C4orf36: variants seen among roughly 807,000 people sequenced by gnomAD.
C4orf36 encodes the protein chromosome 4 open reading frame 36, also known as uncharacterized protein C4orf36.
C4orf36 carries 11 observed loss-of-function variants against 12.2 expected under a neutral mutation model. The observed-to-expected ratio is 0.90, with a 90% CI of 0.57 to 1.49. The LOEUF (loss-of-function observed/expected upper bound fraction) is 1.49, where lower values mean the gene tolerates loss of function less well. Ranked by LOEUF, C4orf36 falls within the 40% of genes most tolerant of loss-of-function variation. C4orf36 has a pLI of 0.00. For missense variants in C4orf36, 137 were observed against 133.9 expected (o/e 1.02, Z -0.11); for synonymous variants, 54 against 51.3 (o/e 1.05, Z -0.22).
At chr4:86,881,190 A>G (rs1747047359) in intron 4 of C4orf36, among the ~76,000 whole-genome samples, 1 of 152,222 alleles carries the variant, frequency 6.6e-6, no homozygotes, top group Non-Finnish European at 1.5e-5. Flanking sequence ...AATACACAAT[A>G]TAGAAAGATG....
the C4orf36 span, among the ~76,000 whole-genome samples, chr4:86,915,565 C>A: frequency 6.6e-6 from 1 of 152,154 alleles, no homozygotes; most frequent in Non-Finnish European, 1.5e-5. Context: ...GGGTGGATCA[C>A]CTGAGGTTGG....
the C4orf36 span, among the ~76,000 whole-genome samples, chr4:86,917,427 GA>G: frequency 1.1e-4 from 15 of 138,306 alleles, no homozygotes; most frequent in Non-Finnish European, 2.2e-4. Flanking sequence ...GAGAGAGAAA[GA>G]AAAAGAAAGG....
the C4orf36 span, among the ~76,000 whole-genome samples, chr4:86,919,118 AG>A: frequency 1.2e-5 from 1 of 84,430 alleles, no homozygotes; most frequent in Non-Finnish European, 2.7e-5. Flanking sequence ...TCCCAGCTCC[AG>A]GAGAGAGAGA....
At chr4:86,879,733 A>G (rs759570251) in intron 4 of C4orf36, among the ~76,000 whole-genome samples, 11 of 152,224 alleles carry the variant, frequency 7.2e-5, no homozygotes, top group Non-Finnish European at 1.5e-4. Context: ...ACCAAAACAC[A>G]TTATTATCAA....
the C4orf36 span, chr4:86,913,260 C>T: frequency 3.4e-6 from 2 of 595,612 alleles, no homozygotes; most frequent in Admixed American, 2.0e-5. Flanking sequence ...AGCTTCACAT[C>T]CAGAGGCCCT....
chr4:86,913,825 C>G, the C4orf36 span: 1 of 617,438 alleles, frequency 1.6e-6, no homozygotes, highest in Non-Finnish European at 2.7e-6. Context: ...TTTTCATCCA[C>G]TTTTTTTTTT....
chr4:86,876,356 CG>C lies in C4orf36; in HGVS notation c.*89del, dbSNP rs1746927162. ...AGGATGGCTGCAGCGCAGCGACGGC[CG>C]GGGCCGGGAGCGGGTCCTGGGCGGC... On this transcript the variant is annotated 3_prime_UTR_variant, in exon 5 of 5. Transcript: ENST00000295898. The C allele has an allele frequency of 1.8e-5, 28 of 1,572,750 alleles. No homozygotes were observed. The highest frequency in any genetic ancestry group is 2.2e-5 in the Non-Finnish European group (26 of 1,161,548).
At chr4:86,935,680 C>A in the C4orf36 span, 1 of 152,146 alleles carries the variant, frequency 6.6e-6, no homozygotes, top group Non-Finnish European at 1.5e-5. Context: ...CACCCCGGGA[C>A]CCTTCCCTGT....
chr4:86,901,701 G>A, the C4orf36 span, among the ~76,000 whole-genome samples: 3 of 152,040 alleles, frequency 2.0e-5, no homozygotes, highest in East Asian at 1.9e-4. Context: ...GTGAGCAACC[G>A]CGCCCGGCCA....
rs1746930906 is a variant in C4orf36 at position 86,876,430 on chromosome 4, A to G, written c.*16T>C. Reference sequence around the variant, plus strand: ...GCGCTGCTGAGTTTCTTCATCTACAATCCGCGCTTCAGGCTGCGCAAAGGA... The same window carrying G: ...GCGCTGCTGAGTTTCTTCATCTACAGTCCGCGCTTCAGGCTGCGCAAAGGA... On this transcript the variant is annotated 3_prime_UTR_variant, in exon 5 of 5. Transcript: ENST00000295898. 1.9e-6 allele frequency: 3 copies of G among 1,613,178 alleles called. No individual in the cohort carries two copies. Among genetic ancestry groups the G allele is most frequent in the African/African-American group, 1.3e-5 (1 of 74,908 alleles).
the C4orf36 span, chr4:86,934,862 C>G: frequency 2.6e-5 from 4 of 152,208 alleles, no homozygotes; most frequent in Admixed American, 6.5e-5. Context: ...AGGGCCGCGA[C>G]GTCCCTTGCC....
chr4:86,920,229 C>G, the C4orf36 span, among the ~76,000 whole-genome samples: 1 of 152,186 alleles, frequency 6.6e-6, no homozygotes, highest in African/African-American at 2.4e-5. Flanking sequence ...CCTCTACTGT[C>G]TATATTTCCA....
At chr4:86,884,199 G>A (rs1248271842) in intron 4 of C4orf36, among the ~76,000 whole-genome samples, 1 of 151,436 alleles carries the variant, frequency 6.6e-6, no homozygotes, top group Non-Finnish European at 1.5e-5. Flanking sequence ...AAGACCTTCT[G>A]TGTATTTTCA....
chr4:86,894,801 G>C (rs1394503584), upstream of C4orf36, among the ~76,000 whole-genome samples: 1 of 152,136 alleles, frequency 6.6e-6, no homozygotes, highest in Non-Finnish European at 1.5e-5. Context: ...GGACACTCAA[G>C]CTGCCTTATG....
At chr4:86,915,663 T>G in the C4orf36 span, among the ~76,000 whole-genome samples, 1 of 152,152 alleles carries the variant, frequency 6.6e-6, no homozygotes, top group Non-Finnish European at 1.5e-5. Context: ...GGTGCATGCC[T>G]GTAATCCCAG....
At chr4:86,926,812 C>A in the C4orf36 span, among the ~76,000 whole-genome samples, 1 of 152,202 alleles carries the variant, frequency 6.6e-6, no homozygotes, top group African/African-American at 2.4e-5. Flanking sequence ...GCCGTACAAT[C>A]CTCCATATTT....
intron 4 of C4orf36, among the ~76,000 whole-genome samples, chr4:86,879,121 A>T (rs1451924708): frequency 6.6e-6 from 1 of 152,118 alleles, no homozygotes; most frequent in Non-Finnish European, 1.5e-5. Flanking sequence ...GAATGCCCAA[A>T]GCTCAACAAA....
At chr4:86,877,754 A>G (rs891135759) in intron 4 of C4orf36, among the ~76,000 whole-genome samples, 2 of 152,008 alleles carry the variant, frequency 1.3e-5, no homozygotes, top group African/African-American at 4.8e-5. Flanking sequence ...ACCAGACACA[A>G]CTCCTTACTC....
the C4orf36 span, among the ~76,000 whole-genome samples, chr4:86,908,218 C>CACACACACACACAT: frequency 4.7e-5 from 7 of 148,704 alleles, no homozygotes; most frequent in African/African-American, 9.9e-5. Context: ...CACACACACA[C>CACACACACACACAT]GTTGCTGGTG....
Sources: allele counts gnomAD v4.1 joint callset (sites outside exome capture counted in the v4.1 genomes callset), GRCh38; gene constraint gnomAD v4.1.1; transcripts MANE v1.5; gene names NCBI Gene and HGNC (gene_info 2026-07-23, HGNC 2026-07-21).